Variants in SHISA2 observed in about 807,000 individuals in gnomAD.
SHISA2 encodes the protein protein shisa-2 homolog.
A neutral mutation model predicts 23.8 loss-of-function variants in SHISA2; 16 were observed. That is an observed-to-expected ratio of 0.67 (90% CI 0.46 to 1.02). SHISA2 has a LOEUF of 1.02. Ranked by LOEUF, SHISA2 falls within the 50% of genes least tolerant of loss-of-function variation. The pLI is 0.00. For missense variants in SHISA2, 459 were observed against 420.1 expected (o/e 1.09, Z -0.81); for synonymous variants, 201 against 178.6 (o/e 1.13, Z -1.00).
At chr13:26,047,242 G>C (rs185519451) in intron 1 of SHISA2, among the ~76,000 whole-genome samples, 176 bp from the exon 2 acceptor site, 4 of 152,330 alleles carry the variant, frequency 2.6e-5, no homozygotes, top group Admixed American at 2.6e-4. Flanking sequence ...TCTTTATCAA[G>C]TGCTTAGAAA....
Position 26,044,921 on chromosome 13 carries a change from T to C in SHISA2, c.*1592A>G, listed in dbSNP as rs1013303959. ...ATTTGATAATTTGGAACATTGGCAA[T>C]GAATACAGTGCCTGTTGAGGCCTGA... On this transcript the variant is annotated 3_prime_UTR_variant, in exon 2 of 2. Transcript: ENST00000319420. The C allele has an allele frequency of 2.6e-5, 4 of 152,260 alleles. No individual in the cohort carries two copies. The highest frequency in any genetic ancestry group is 4.8e-5 in the African/African-American group (2 of 41,550). The allele number at this position is 152,260 out of a possible 1,614,324, so 9.4% of individuals were successfully genotyped here.
At chr13:26,050,555 G>T in intron 1 of SHISA2, 87 bp downstream of exon 1, 1 of 1,292,034 alleles carries the variant, frequency 7.7e-7, no homozygotes, top group Non-Finnish European at 1.0e-6. Context: ...GCCCTTTCCT[G>T]AATTTCCCCC....
rs950893910 is a variant in SHISA2 at position 26,044,691 on chromosome 13, A to G, written c.*1822T>C. The G allele has an allele frequency of 5.9e-5, 9 of 152,182 alleles. No individual in the cohort carries two copies. The highest frequency in any genetic ancestry group is 2.2e-4 in the African/African-American group (9 of 41,436). 9.4% of individuals were successfully genotyped at this position (152,182 alleles called of 1,614,324 possible). A position where few individuals can be genotyped will look rare whatever the true frequency, so the allele number is the denominator to read the frequency against. ...ATCATTGATGATACCAATTGCCAAC[A>G]CTGGTTTTACATTATTCAGTCATGA... On this transcript the variant is annotated 3_prime_UTR_variant, in exon 2 of 2. Transcript: ENST00000319420.
chr13:26,050,784 G>T lies in SHISA2; in HGVS notation c.192C>A (p.Thr64=). ...CPERFDGGDA[T]ICCGSCALRY... The stretch of plus-strand genomic sequence containing the variant: ...GCAACGCGCAGCTGCCGCAGCAGAT[G>T]GTGGCGTCGCCGCCGTCGAAGCGCT... Residue 64 remains threonine (T), a synonymous_variant, in exon 1 of 2, where the codon ACC becomes ACA. Coordinates refer to ENST00000319420, the MANE Select transcript of SHISA2 (RefSeq NM_001007538.2). The T allele has an allele frequency of 6.6e-7, 1 of 1,524,774 alleles. No individual in the cohort carries two copies. The highest frequency in any genetic ancestry group is 8.7e-7 in the Non-Finnish European group (1 of 1,146,362). 94.5% of individuals were successfully genotyped at this position (1,524,774 alleles called of 1,614,324 possible).
rs1957301899 is a variant in SHISA2 at position 26,051,237 on chromosome 13, G to C, written c.-262C>G. ...AGTTGCACTCGCTGATGGAAATCTC[G>C]GGATGCAGTCAGAAGGCCCCCGGGG... On this transcript the variant is annotated 5_prime_UTR_variant, in exon 1 of 2. Transcript: ENST00000319420. Among the ~76,000 whole-genome samples, 1 of 152,176 alleles carries C rather than the reference G, an allele frequency of 6.6e-6. No homozygotes were observed. Among genetic ancestry groups the C allele is most frequent in the African/African-American group, 2.4e-5 (1 of 41,466 alleles).
chr13:26,051,090 C>T lies in SHISA2; in HGVS notation c.-115G>A. 4 of 962,838 alleles carry T rather than the reference C, an allele frequency of 4.2e-6. No homozygotes were observed. Among genetic ancestry groups the T allele is most frequent in the Non-Finnish European group, 5.8e-6 (4 of 693,928 alleles). The allele number at this position is 962,838 out of a possible 1,614,324, so 59.6% of individuals were successfully genotyped here. A position where few individuals can be genotyped will look rare whatever the true frequency, so the allele number is the denominator to read the frequency against. On this transcript the variant is annotated 5_prime_UTR_variant, in exon 1 of 2. Coordinates refer to ENST00000319420, the MANE Select transcript of SHISA2 (RefSeq NM_001007538.2). ...ACTGACTGTCCCGCGGCGCTTTCCGCGCGGGCCACTCCCCTCTGCCGCGAC... is the reference window on the plus strand; with the variant it reads ...ACTGACTGTCCCGCGGCGCTTTCCGTGCGGGCCACTCCCCTCTGCCGCGAC...
chr13:26,046,830 C>A lies in SHISA2; in HGVS notation c.571G>T (p.Ala191Ser). The A allele has an allele frequency of 6.2e-7, 1 of 1,614,070 alleles. No homozygotes were observed. Among genetic ancestry groups the A allele is most frequent in the Non-Finnish European group, 8.5e-7 (1 of 1,180,000 alleles). The part of the protein sequence containing the change: ...SSTAASSSSS[A>S]NSGARAPPTR... ...GGGGGCGCCCGGGCCCCTGAGTTGG[C>A]GCTGGAGCTGGAACTGGCAGCTGTG... Residue 191 changes from alanine to serine, a missense_variant, in exon 2 of 2, where the codon GCC becomes TCC. By Grantham distance (99) the Ala-to-Ser change is moderately conservative. Coordinates refer to ENST00000319420, the MANE Select transcript of SHISA2 (RefSeq NM_001007538.2).
In SHISA2 at chr13:26,046,818, C is replaced by A. The variant is rs377134787; in HGVS notation, c.583G>T (p.Ala195Ser). 1.3e-5 allele frequency: 21 copies of A among 1,613,998 alleles called. No individual in the cohort carries two copies. The highest frequency in any genetic ancestry group is 1.7e-5 in the Non-Finnish European group (20 of 1,180,020). The change falls in exon 2 of 2, where the codon GCC becomes TCC. Residue 195 changes from alanine (A) to serine (S), a missense_variant. Coordinates refer to ENST00000319420, the MANE Select transcript of SHISA2 (RefSeq NM_001007538.2). Reference sequence around the variant, plus strand: ...TGTGACCTTGTTGGGGGCGCCCGGGCCCCTGAGTTGGCGCTGGAGCTGGAA... The same window carrying A: ...TGTGACCTTGTTGGGGGCGCCCGGGACCCTGAGTTGGCGCTGGAGCTGGAA... ...ASSSSSANSG[A>S]RAPPTRSQTN...
intron 1 of SHISA2, 52 bp from the exon 2 acceptor site, chr13:26,047,118 A>G: frequency 6.8e-7 from 1 of 1,479,768 alleles, no homozygotes; most frequent in African/African-American, 1.4e-5. Context: ...GGAACACAGT[A>G]CCAATCGCCA....
chr13:26,049,863 AAC>A (rs57979033), intron 1 of SHISA2, among the ~76,000 whole-genome samples: 1,570 of 135,988 alleles, frequency 0.012, 30 homozygotes, highest in South Asian at 0.026. Flanking sequence ...CGAAATAAAT[AAC>A]ACACACACAC....
rs373439541 is a variant in SHISA2, at chr13:26,046,717, G to C, written c.684C>G (p.Asn228Lys). Residue 228 changes from asparagine to lysine, a missense_variant, in exon 2 of 2, where the codon AAC becomes AAG. Asn to Lys is a moderately conservative substitution (Grantham distance 94). Transcript: ENST00000319420. ...VNMPTNFSVL[N>K]CQQATQIVPH... ...GCACAATCTGGGTGGCCTGCTGACA[G>C]TTCAGCACAGAGAAATTCGTGGGCA... The C allele has an allele frequency of 1.2e-6, 2 of 1,614,252 alleles. No homozygotes were observed. Among genetic ancestry groups the C allele is most frequent in the Non-Finnish European group, 1.7e-6 (2 of 1,180,048 alleles).
Position 26,051,029 on chromosome 13 carries a change from G to C in SHISA2, c.-54C>G. ...CTCCAGAGAGCGCAGGACGGTCTCC[G>C]AGAAGTCGTGGCCCCGGCGACCCCC... On this transcript the variant is annotated 5_prime_UTR_variant, in exon 1 of 2. Coordinates refer to ENST00000319420, the MANE Select transcript of SHISA2 (RefSeq NM_001007538.2). 5.0e-6 allele frequency: 7 copies of C among 1,405,192 alleles called. No individual in the cohort carries two copies. In the South Asian group the frequency reaches 1.0e-4, roughly 21 times the overall value. 87.0% of individuals were successfully genotyped at this position (1,405,192 alleles called of 1,614,324 possible).
rs1957304889 is a variant in SHISA2 at position 26,051,562 on chromosome 13, G to T, written c.-587C>A. ...CTCTGCCCCGAACTTGGTCCGCATG[G>T]CTCCGGCCGGGCCGCCCGGGCAGCC... On this transcript the variant is annotated 5_prime_UTR_variant, in exon 1 of 2. Transcript: ENST00000319420. Among the ~76,000 whole-genome samples the T allele has an allele frequency of 1.3e-5, 2 of 152,186 alleles. No individual in the cohort carries two copies.
In SHISA2 at chr13:26,051,791, C is replaced by G. The variant is rs924609889; in HGVS notation, c.-816G>C. The stretch of plus-strand genomic sequence containing the variant: ...CGCGGATCCAGGCGGGCGGCTCGCC[C>G]CGGTTCCCCTTCTCCGCCTCCCCGG... On this transcript the variant is annotated 5_prime_UTR_variant, in exon 1 of 2. Transcript: ENST00000319420. Among the ~76,000 whole-genome samples the G allele has an allele frequency of 6.6e-6, 1 of 152,094 alleles. No homozygotes were observed. Among genetic ancestry groups the G allele is most frequent in the African/African-American group, 2.4e-5 (1 of 41,430 alleles).
Position 26,050,704 on chromosome 13 carries a change from T to A in SHISA2, c.272A>T (p.Asp91Val), listed in dbSNP as rs1393168621. 14 of 1,477,174 alleles carry A rather than the reference T, an allele frequency of 9.5e-6. No individual in the cohort carries two copies. Among genetic ancestry groups the A allele is most frequent in the Non-Finnish European group, 1.2e-5 (13 of 1,121,390 alleles). The allele number at this position is 1,477,174 out of a possible 1,614,324, so 91.5% of individuals were successfully genotyped here. A position where few individuals can be genotyped will look rare whatever the true frequency, so the allele number is the denominator to read the frequency against. ...ARLDQGGCDN[D>V]RQQGAGEPGR... The stretch of plus-strand genomic sequence containing the variant: ...AGGCTCGCCAGCGCCCTGCTGGCGG[T>A]CATTGTCGCAGCCGCCCTGGTCCAG... Residue 91 changes from aspartate (D) to valine (V), a missense_variant, in exon 1 of 2, where the codon GAC (aspartate) becomes GTC (valine). Physicochemically the swap from Asp to Val is radical, Grantham distance 152 (BLOSUM62 -3). Coordinates refer to ENST00000319420, the MANE Select transcript of SHISA2 (RefSeq NM_001007538.2).
chr13:26,048,507 C>T (rs1294846104), intron 1 of SHISA2, among the ~76,000 whole-genome samples: 1 of 152,018 alleles, frequency 6.6e-6, no homozygotes, highest in East Asian at 1.9e-4. Flanking sequence ...TGTTCTTGCC[C>T]CAACCTCCTG....
chr13:26,049,532 G>A (rs1957286584), intron 1 of SHISA2, among the ~76,000 whole-genome samples: 2 of 152,136 alleles, frequency 1.3e-5, no homozygotes, highest in African/African-American at 4.8e-5. Flanking sequence ...CACAGTCTGC[G>A]AGACTGAGCT....
intron 1 of SHISA2, among the ~76,000 whole-genome samples, chr13:26,048,667 T>G (rs1193140058): frequency 2.0e-5 from 3 of 152,324 alleles, no homozygotes; most frequent in African/African-American, 7.2e-5. Flanking sequence ...CCTTTCATCA[T>G]CCATTAGAGC....
Position 26,045,623 on chromosome 13 carries a change from A to C in SHISA2, c.*890T>G, listed in dbSNP as rs1957260914. On this transcript the variant is annotated 3_prime_UTR_variant, in exon 2 of 2. Coordinates refer to ENST00000319420, the MANE Select transcript of SHISA2 (RefSeq NM_001007538.2). ...GTAAAAAAGCACAAAATAGGCCCCC[A>C]AAAGCACAAAAATAGACAAAATATA... 6.6e-6 allele frequency: 1 copy of C among 152,208 alleles called. No homozygotes were observed. The highest frequency in any genetic ancestry group is 1.5e-5 in the Non-Finnish European group (1 of 68,040). 9.4% of individuals were successfully genotyped at this position (152,208 alleles called of 1,614,324 possible).
Sources: allele counts gnomAD v4.1 joint callset (sites outside exome capture counted in the v4.1 genomes callset), GRCh38; gene constraint gnomAD v4.1.1; transcripts MANE v1.5; gene names NCBI Gene and HGNC (gene_info 2026-07-23, HGNC 2026-07-21).